Variants in GPR39 observed in about 807,000 individuals in gnomAD.
GPR39 encodes zinc sensing receptor.
In GPR39, 23 loss-of-function variants were observed where a neutral mutation model predicts 18.4. The observed-to-expected ratio is 1.25, with a 90% CI of 0.90 to 1.77. The LOEUF is 1.77. Ranked by LOEUF, GPR39 falls within the 40% of genes most tolerant of loss-of-function variation. GPR39 has a pLI of 0.00. For missense variants in GPR39, 647 were observed against 602.4 expected (o/e 1.07, Z -0.78); for synonymous variants, 280 against 257.9 (o/e 1.09, Z -0.82).
chr2:132,627,566 C>G (rs956119452), intron 1 of GPR39, among the ~76,000 whole-genome samples: 1 of 152,106 alleles, frequency 6.6e-6, no homozygotes, highest in African/African-American at 2.4e-5. Context: ...ATTTTGCAAT[C>G]AATGAAAATG....
At chr2:132,473,756 A>G (rs1681074866) in intron 1 of GPR39, among the ~76,000 whole-genome samples, 1 of 152,198 alleles carries the variant, frequency 6.6e-6, no homozygotes, top group African/African-American at 2.4e-5. Flanking sequence ...ATTGAGAGAC[A>G]TGATGTAGAC....
chr2:132,643,356 A>AG (rs1348803355), intron 1 of GPR39, among the ~76,000 whole-genome samples: 1 of 152,226 alleles, frequency 6.6e-6, no homozygotes, highest in African/African-American at 2.4e-5. Context: ...AAATTAACAA[A>AG]GGAGAAGAGT....
intron 1 of GPR39, among the ~76,000 whole-genome samples, chr2:132,535,214 C>T (rs1679731492): frequency 6.6e-6 from 1 of 152,084 alleles, no homozygotes; most frequent in South Asian, 2.1e-4. Context: ...TCATAAATAG[C>T]TCTTATTATT....
At chr2:132,524,766 T>C (rs141303985) in intron 1 of GPR39, among the ~76,000 whole-genome samples, 2 of 152,304 alleles carry the variant, frequency 1.3e-5, no homozygotes, top group East Asian at 3.9e-4. Flanking sequence ...ATTTTAAAGA[T>C]GTAGGAAGCA....
At chr2:132,583,374 A>G (rs1680662462) in intron 1 of GPR39, among the ~76,000 whole-genome samples, 1 of 128,540 alleles carries the variant, frequency 7.8e-6, no homozygotes, top group Non-Finnish European at 1.7e-5. Context: ...ACAAATACAC[A>G]TATCCCTCAA....
At chr2:132,527,879 G>A (rs1382170836) in intron 1 of GPR39, among the ~76,000 whole-genome samples, 1 of 151,152 alleles carries the variant, frequency 6.6e-6, no homozygotes, top group East Asian at 1.9e-4. Flanking sequence ...TCTTCACTCT[G>A]ATGATAGTTT....
At chr2:132,561,003 T>C (rs1680242733) in intron 1 of GPR39, among the ~76,000 whole-genome samples, 1 of 151,260 alleles carries the variant, frequency 6.6e-6, no homozygotes, top group Admixed American at 6.6e-5. Context: ...AACCTCTGCC[T>C]CCAAGGCTCA....
intron 1 of GPR39, among the ~76,000 whole-genome samples, chr2:132,597,591 C>T (rs1478609509): frequency 1.3e-5 from 2 of 152,178 alleles, no homozygotes; most frequent in South Asian, 2.1e-4. Flanking sequence ...TCTTGGAAGC[C>T]CTGCCTCACA....
chr2:132,540,946 C>G (rs1358337878), intron 1 of GPR39, among the ~76,000 whole-genome samples: 4 of 152,180 alleles, frequency 2.6e-5, no homozygotes, highest in East Asian at 1.9e-4. Context: ...AACCCTCAGG[C>G]TTCCCTGTGG....
At chr2:132,564,728 G>A (rs1449224503) in intron 1 of GPR39, among the ~76,000 whole-genome samples, 1 of 150,298 alleles carries the variant, frequency 6.7e-6, no homozygotes, top group African/African-American at 2.5e-5. Context: ...AAAATTTCTG[G>A]TTTATTGATG....
At chr2:132,508,019 C>CA (rs771120333) in intron 1 of GPR39, among the ~76,000 whole-genome samples, 4 of 152,136 alleles carry the variant, frequency 2.6e-5, no homozygotes, top group Non-Finnish European at 5.9e-5. Flanking sequence ...TCTCTAGCCC[C>CA]AAAATCCTTC....
At chr2:132,425,078 C>T (rs535458641) in intron 1 of GPR39, among the ~76,000 whole-genome samples, 7 of 152,288 alleles carry the variant, frequency 4.6e-5, no homozygotes, top group East Asian at 3.9e-4. Context: ...ATGGTCTATT[C>T]GTTCTTCAAC....
chr2:132,572,530 A>G (rs1241289359), intron 1 of GPR39, among the ~76,000 whole-genome samples: 1 of 150,752 alleles, frequency 6.6e-6, no homozygotes, highest in African/African-American at 2.5e-5. Context: ...ATAGGGTTAG[A>G]AGAGATTAAA....
intron 1 of GPR39, among the ~76,000 whole-genome samples, chr2:132,434,073 C>T (rs1400454285): frequency 6.6e-6 from 1 of 151,870 alleles, no homozygotes; most frequent in African/African-American, 2.4e-5. Flanking sequence ...AGTTCCTGTA[C>T]ACCATTAAGA....
intron 1 of GPR39, among the ~76,000 whole-genome samples, chr2:132,462,656 G>T (rs933801756): frequency 1.3e-5 from 2 of 151,770 alleles, no homozygotes; most frequent in African/African-American, 4.8e-5. Context: ...ACTTTTCTTT[G>T]TGCAGCTGTC....
chr2:132,577,076 C>T (rs1680542225), intron 1 of GPR39, among the ~76,000 whole-genome samples: 1 of 151,100 alleles, frequency 6.6e-6, no homozygotes, highest in African/African-American at 2.4e-5. Context: ...GTTTTTGGGG[C>T]TGGGCAAGGT....
chr2:132,633,693 C>T (rs750912445), intron 1 of GPR39, among the ~76,000 whole-genome samples: 9 of 151,528 alleles, frequency 5.9e-5, no homozygotes, highest in Non-Finnish European at 1.3e-4. Context: ...GAGATAATGA[C>T]GACAAAGGAA....
chr2:132,583,355 A>C (rs1259383350), intron 1 of GPR39, among the ~76,000 whole-genome samples: 1 of 150,452 alleles, frequency 6.6e-6, no homozygotes, highest in Non-Finnish European at 1.5e-5. Context: ...CCTAAGTGAG[A>C]TCCCCCCAAC....
At chr2:132,522,578 G>A (rs1377892404) in intron 1 of GPR39, among the ~76,000 whole-genome samples, 4 of 152,218 alleles carry the variant, frequency 2.6e-5, no homozygotes, top group Non-Finnish European at 4.4e-5. Flanking sequence ...AGGGAAGTAA[G>A]CCAGGAAGAG....
Sources: allele counts gnomAD v4.1 joint callset (sites outside exome capture counted in the v4.1 genomes callset), GRCh38; gene constraint gnomAD v4.1.1; transcripts MANE v1.5; gene names NCBI Gene and HGNC (gene_info 2026-07-23, HGNC 2026-07-21).